TNKS2: variants seen among roughly 807,000 people sequenced by gnomAD.
TNKS2 encodes poly [ADP-ribose] polymerase tankyrase-2.
In TNKS2, 72 loss-of-function variants were observed where a neutral mutation model predicts 137.6. The ratio of observed to expected loss-of-function variants is 0.52; its 90% CI spans 0.43 to 0.64. The LOEUF (loss-of-function observed/expected upper bound fraction) is 0.64. Ranked by LOEUF, TNKS2 falls within the 30% of genes least tolerant of loss-of-function variation. The probability of loss-of-function intolerance (pLI) is 0.00; values close to 1 mark genes in which losing one functional copy is unlikely to be tolerated. For missense variants in TNKS2, 1,049 were observed against 1,410.2 expected (o/e 0.74, Z 4.10); for synonymous variants, 516 against 512.1 (o/e 1.01, Z -0.10).
At chr10:91,850,725 T>TA (rs776576947) in intron 20 of TNKS2, among the ~76,000 whole-genome samples, 66 of 152,004 alleles carry the variant, frequency 4.3e-4, no homozygotes, top group Middle Eastern at 3.4e-3. Flanking sequence ...GTCTCAAAAA[T>TA]AAAAAAACAG....
Position 91,859,667 on chromosome 10 carries a change from T to C in TNKS2, c.3281+19T>C, listed in dbSNP as rs748189651. 5.7e-5 allele frequency: 91 copies of C among 1,598,110 alleles called. 1 individual carries two copies. The highest frequency in any genetic ancestry group is 7.3e-5 in the Non-Finnish European group (86 of 1,171,750). On this transcript the variant is annotated intron_variant, in intron 25 of 26. Coordinates refer to ENST00000371627, the MANE Select transcript of TNKS2 (RefSeq NM_025235.4). ...GCCACAGGTAAGAGATCACTTGTTC[T>C]CATTTATTTTGGTGGTAATCAGATA... is the stretch of plus-strand genomic sequence containing the variant.
intron 13 of TNKS2, among the ~76,000 whole-genome samples, chr10:91,839,384 C>T (rs1842141215): frequency 6.6e-6 from 1 of 151,696 alleles, no homozygotes; most frequent in Non-Finnish European, 1.5e-5. Context: ...GGTTGGTCAC[C>T]CACGCTGGAG....
intron 12 of TNKS2, among the ~76,000 whole-genome samples, chr10:91,835,245 C>A (rs1841964309): frequency 6.6e-6 from 1 of 151,228 alleles, no homozygotes; most frequent in African/African-American, 2.4e-5. Context: ...TAAGTTTGAA[C>A]ATAATTTTAA....
chr10:91,843,358 A>G (rs1286913159), intron 16 of TNKS2, among the ~76,000 whole-genome samples: 2 of 152,068 alleles, frequency 1.3e-5, no homozygotes, highest in African/African-American at 4.8e-5. Context: ...GTCTCTTTCT[A>G]TATGTCCTAG....
In TNKS2 at chr10:91,828,385, T is replaced by C. The variant is rs200935543; in HGVS notation, c.1083T>C (p.Pro361=). 2 of 1,603,412 alleles carry C rather than the reference T, an allele frequency of 1.2e-6. No individual in the cohort carries two copies. The highest frequency in any genetic ancestry group is 1.7e-6 in the Non-Finnish European group (2 of 1,176,180). Residue 361 remains proline (P), a synonymous_variant, in exon 9 of 27, where the codon CCT becomes CCC. Transcript: ENST00000371627. ...TGGAAATGGTGAATTTCAAGCATCC[T>C]CAAACACATGAAACAGCATTGGTAA... The part of the protein sequence containing the change: ...LSLEMVNFKH[P]QTHETALHCA...
Position 91,864,220 on chromosome 10 carries a change from T to C in TNKS2, c.*1221T>C, listed in dbSNP as rs938856120. ...TTTCTCTCCATGATGTTATGCCCAA[T>C]TGGAAATATGCTGTCAGTTTGTGCA... On this transcript the variant is annotated 3_prime_UTR_variant, in exon 27 of 27. Coordinates refer to ENST00000371627, the MANE Select transcript of TNKS2 (RefSeq NM_025235.4). 1.3e-5 allele frequency: 2 copies of C among 152,590 alleles called. No individual in the cohort carries two copies. The highest frequency in any genetic ancestry group is 2.9e-5 in the Non-Finnish European group (2 of 68,030). 9.5% of individuals were successfully genotyped at this position (152,590 alleles called of 1,614,324 possible).
chr10:91,824,891 A>G (rs1314751499), intron 7 of TNKS2, among the ~76,000 whole-genome samples: 2 of 152,190 alleles, frequency 1.3e-5, no homozygotes, highest in Non-Finnish European at 2.9e-5. Flanking sequence ...TGTTTAAACA[A>G]TAATACAGAG....
At chr10:91,819,358 T>TC (rs1202758765) in intron 4 of TNKS2, 52 bp downstream of exon 4, 29 of 1,405,636 alleles carry the variant, frequency 2.1e-5, no homozygotes, top group Non-Finnish European at 2.6e-5. Flanking sequence ...CATTAACTTT[T>TC]TCTTTTTTTT....
At chr10:91,841,182 T>A (rs1842201232) in intron 14 of TNKS2, 101 bp from the exon 15 acceptor site, 1 of 1,097,778 alleles carries the variant, frequency 9.1e-7, no homozygotes, top group Non-Finnish European at 1.3e-6. Flanking sequence ...ATCAGTATAA[T>A]TCCTTATGTA....
At position 91,862,933 on chromosome 10, in the gene TNKS2, C is replaced by T. The variant is rs750635678; in HGVS notation, c.3439-4C>T. The stretch of plus-strand genomic sequence containing the variant: ...CATTATTTGAATTTATCTTTCTCTT[C>T]CAGGCTTATCCTGAGTATTTAATTA... On this transcript the variant is annotated splice_polypyrimidine_tract_variant and splice_region_variant and intron_variant, in intron 26 of 26. Coordinates refer to ENST00000371627, the MANE Select transcript of TNKS2 (RefSeq NM_025235.4). 10 of 1,598,846 alleles carry T rather than the reference C, an allele frequency of 6.3e-6. No homozygotes were observed. In the Admixed American group the frequency reaches 1.7e-4, roughly 27 times the overall value.
At chr10:91,851,411 A>G (rs1451041285) in intron 21 of TNKS2, 75 bp downstream of exon 21, 4 of 1,398,120 alleles carry the variant, frequency 2.9e-6, no homozygotes, top group Non-Finnish European at 3.8e-6. Context: ...CTAAGTTATA[A>G]TTTAAAAATA....
rs1043392753 is a variant in TNKS2 at position 91,833,941 on chromosome 10, A to G, written c.1364A>G (p.Tyr455Cys). ...CAAACCTGCCGCCTACTCCTGAGCT[A>G]TGGGTGTGATCCTAACATTATATCC... ...HLQTCRLLLS[Y>C]GCDPNIISLQ... The change falls in exon 12 of 27, where the codon TAT (tyrosine) becomes TGT (cysteine). Residue 455 changes from tyrosine (Y) to cysteine (C), a missense_variant. Tyr to Cys is a radical substitution (Grantham distance 194). Transcript: ENST00000371627. The G allele has an allele frequency of 5.0e-6, 8 of 1,613,936 alleles. No homozygotes were observed. Among genetic ancestry groups the G allele is most frequent in the African/African-American group, 1.3e-5 (1 of 75,050 alleles).
rs1454142889 is a variant in TNKS2 at position 91,819,984 on chromosome 10, G to T, written c.679G>T (p.Val227Leu). Reference protein sequence around the residue: ...LAAGYNRVKIVQLLLQHGADV... With the variant: ...LAAGYNRVKILQLLLQHGADV... ...AGCAGGATATAACAGAGTAAAGATTGTACAGCTGTTACTGCAACATGGAGC... is the reference window on the plus strand; with the variant it reads ...AGCAGGATATAACAGAGTAAAGATTTTACAGCTGTTACTGCAACATGGAGC... Residue 227 changes from valine (V) to leucine (L), a missense_variant, in exon 6 of 27, where the codon GTA becomes TTA. Val to Leu is a conservative substitution (Grantham distance 32). Around this residue, in one of 6 missense-constraint regions of TNKS2, gnomAD observed 374 missense variants for 460.8 expected, o/e 0.81. Coordinates refer to ENST00000371627, the MANE Select transcript of TNKS2 (RefSeq NM_025235.4). 6.3e-7 allele frequency: 1 copy of T among 1,592,800 alleles called. No homozygotes were observed. The highest frequency in any genetic ancestry group is 1.7e-5 in the Admixed American group (1 of 57,400).
Position 91,855,626 on chromosome 10 carries a change from G to A in TNKS2, c.2926G>A (p.Val976Ile). 2 of 1,611,642 alleles carry A rather than the reference G, an allele frequency of 1.2e-6. No individual in the cohort carries two copies. The highest frequency in any genetic ancestry group is 1.7e-6 in the Non-Finnish European group (2 of 1,178,918). Reference protein sequence around the residue: ...QSVEEEMQSTVREHRDGGHAG... With the variant: ...QSVEEEMQSTIREHRDGGHAG... ...ATTTTTCTGACAGATGCAAAGTACA[G>A]TTCGAGAGCACAGAGATGGAGGTCA... Residue 976 changes from valine to isoleucine, a missense_variant, in exon 23 of 27, where the codon GTT (valine) becomes ATT (isoleucine). This residue lies in a region of TNKS2 where 133 missense variants were observed against 248.4 expected (regional missense o/e 0.54). Coordinates refer to ENST00000371627, the MANE Select transcript of TNKS2 (RefSeq NM_025235.4).
At position 91,804,984 on chromosome 10, in the gene TNKS2, G is replaced by A. The variant is rs146945771; in HGVS notation, c.199+6095G>A. Among the ~76,000 whole-genome samples, 936 of 152,164 alleles carry A rather than the reference G, an allele frequency of 6.2e-3. 8 individuals carry two copies. The highest frequency in any genetic ancestry group is 0.021 in the African/African-American group (887 of 41,478). On this transcript the variant is annotated intron_variant, in intron 1 of 26. Coordinates refer to ENST00000371627, the MANE Select transcript of TNKS2 (RefSeq NM_025235.4). ...TCACCATGTTGGCTATGGTGGTCTC[G>A]AATTCCTGACCTCAGGTGATCCACC...
At chr10:91,852,980 T>C (rs1842592668) in intron 21 of TNKS2, among the ~76,000 whole-genome samples, 1 of 152,164 alleles carries the variant, frequency 6.6e-6, no homozygotes, top group African/African-American at 2.4e-5. Flanking sequence ...AGTCCATGAT[T>C]TCCTGAAATA....
Position 91,822,556 on chromosome 10 carries a change from ATGTTT to A in TNKS2, c.795+216_795+220del, listed in dbSNP as rs10647275. Among the ~76,000 whole-genome samples, 643 of 150,390 alleles carry A rather than the reference ATGTTT, an allele frequency of 4.3e-3. 5 individuals carry two copies. The highest frequency in any genetic ancestry group is 3.5e-3 in the Non-Finnish European group (237 of 67,600). ...TGCTTTGAGATTTTTGAGATACCAT[ATGTTT>A]TGTTTTGTTTTGTTTTGTTTTTTTG... On this transcript the variant is annotated intron_variant, in intron 7 of 26. Coordinates refer to ENST00000371627, the MANE Select transcript of TNKS2 (RefSeq NM_025235.4).
At chr10:91,803,022 C>T (rs1006339007) in intron 1 of TNKS2, among the ~76,000 whole-genome samples, 3 of 152,192 alleles carry the variant, frequency 2.0e-5, no homozygotes, top group Non-Finnish European at 4.4e-5. Flanking sequence ...TGGAGTACTC[C>T]TTTCAGTGTA....
At chr10:91,807,116 C>T (rs1844346715) in intron 1 of TNKS2, 3 of 1,468,910 alleles carry the variant, frequency 2.0e-6, no homozygotes, top group South Asian at 2.4e-5. Context: ...TGTCCCAACA[C>T]TTTCTCTAAT....
Sources: gnomAD v4.1 joint callset for allele counts (sites outside exome capture counted in the v4.1 genomes callset) on GRCh38, gnomAD v4.1.1 for gene constraint, gnomAD v4.1.1 regional missense constraint, MANE v1.5 for transcripts, NCBI Gene and HGNC (gene_info 2026-07-23, HGNC 2026-07-21) for gene names.